Variants in TEK observed in about 807,000 individuals in gnomAD.
TEK encodes the protein TEK receptor tyrosine kinase.
A neutral mutation model predicts 131.8 loss-of-function variants in TEK; 43 were observed. The ratio of observed to expected loss-of-function variants is 0.33; its 90% CI spans 0.26 to 0.42. TEK has a LOEUF of 0.42. TEK is among the 10% of genes least tolerant of loss of function. The pLI is 1.00. For synonymous variants in TEK, 580 were observed against 491.6 expected, an observed-to-expected ratio of 1.18 and a Z score of -2.38; for missense variants, 1,162 against 1,384.4, an observed-to-expected ratio of 0.84 and a Z score of 2.55.
At chr9:27,137,099 G>A (rs190625836) in intron 1 of TEK, among the ~76,000 whole-genome samples, 2 of 152,126 alleles carry the variant, frequency 1.3e-5, no homozygotes, top group East Asian at 1.9e-4. Context: ...TGTATTTTCA[G>A]TAGAGACGGG....
At chr9:27,120,814 G>C (rs1030892231) in intron 1 of TEK, among the ~76,000 whole-genome samples, 1 of 152,212 alleles carries the variant, frequency 6.6e-6, no homozygotes, top group Non-Finnish European at 1.5e-5. Flanking sequence ...GAGCAGCCAG[G>C]GCAAAAGCTG....
intron 11 of TEK, chr9:27,195,533 C>G (rs1824974435): frequency 2.4e-6 from 1 of 408,568 alleles, no homozygotes; most frequent in South Asian, 1.8e-5. Context: ...TTTTTTTGCC[C>G]CATAGGAGTG....
intron 8 of TEK, 135 bp downstream of exon 8, chr9:27,183,745 C>A: frequency 8.1e-7 from 1 of 1,232,676 alleles, no homozygotes. Context: ...ATAAAATGCC[C>A]TATTCCTGGA....
intron 9 of TEK, among the ~76,000 whole-genome samples, chr9:27,187,994 A>T (rs1819136538): frequency 1.3e-5 from 2 of 152,180 alleles, no homozygotes; most frequent in African/African-American, 4.8e-5. Context: ...TTTGGGGGGA[A>T]TACAATTTAG....
intron 11 of TEK, among the ~76,000 whole-genome samples, chr9:27,193,891 C>G (rs1824916048): frequency 6.6e-6 from 1 of 152,180 alleles, no homozygotes; most frequent in African/African-American, 2.4e-5. Context: ...ATTACAGCCT[C>G]TATCTCCTGG....
chr9:27,228,570 T>C (rs1281773660), intron 22 of TEK, among the ~76,000 whole-genome samples: 1 of 152,126 alleles, frequency 6.6e-6, no homozygotes, highest in Admixed American at 6.6e-5. Context: ...ATTTTCGTCA[T>C]ATAGCCTGAC....
chr9:27,164,538 G>C lies in TEK; in HGVS notation c.365-3957G>C, dbSNP rs754777085. Among the ~76,000 whole-genome samples the C allele has an allele frequency of 2.4e-4, 36 of 152,140 alleles. No individual in the cohort carries two copies. The South Asian group carries it at 2.5e-3, about 11-fold the overall frequency. On this transcript the variant is annotated intron_variant, in intron 2 of 22. Transcript: ENST00000380036. ...GTTTCAATGTGTTAGCCAGGATGATGTCGATCTCCTGACCTTGTGATCTGC... is the reference window on the plus strand; with the variant it reads ...GTTTCAATGTGTTAGCCAGGATGATCTCGATCTCCTGACCTTGTGATCTGC...
chr9:27,144,219 T>A (rs1021015078), intron 1 of TEK, among the ~76,000 whole-genome samples: 4 of 152,062 alleles, frequency 2.6e-5, no homozygotes, highest in African/African-American at 4.8e-5. Context: ...GAGGCAGAGC[T>A]TGCAGTGAGC....
At chr9:27,155,732 C>T (rs557423647) in intron 1 of TEK, among the ~76,000 whole-genome samples, 15 of 152,026 alleles carry the variant, frequency 9.9e-5, no homozygotes, top group Admixed American at 9.2e-4. Flanking sequence ...ATGTTTTTTT[C>T]CCCAAAACAT....
chr9:27,201,814 C>G (rs1489359227), intron 12 of TEK, among the ~76,000 whole-genome samples: 2 of 152,188 alleles, frequency 1.3e-5, no homozygotes, highest in Admixed American at 6.5e-5. Context: ...CCTATGTCTA[C>G]TATTCGCCTA....
chr9:27,178,386 G>C (rs1047916849), intron 6 of TEK, among the ~76,000 whole-genome samples: 2 of 151,992 alleles, frequency 1.3e-5, no homozygotes, highest in East Asian at 3.9e-4. Context: ...TTTGAAATCA[G>C]GTAATGTGAT....
intron 6 of TEK, among the ~76,000 whole-genome samples, chr9:27,175,759 T>C (rs968495653): frequency 4.6e-5 from 7 of 152,252 alleles, no homozygotes; most frequent in African/African-American, 1.7e-4. Flanking sequence ...CATTTTTTCA[T>C]GTGTCTTTTG....
At chr9:27,182,110 C>T (rs1824400744) in intron 7 of TEK, among the ~76,000 whole-genome samples, 1 of 152,148 alleles carries the variant, frequency 6.6e-6, no homozygotes, top group Admixed American at 6.6e-5. Context: ...TGAACGTGGG[C>T]AGCTAACAAG....
chr9:27,164,471 T>C (rs548607226), intron 2 of TEK, among the ~76,000 whole-genome samples: 15 of 152,010 alleles, frequency 9.9e-5, no homozygotes, highest in East Asian at 5.8e-4. Context: ...AGGCGCCCGC[T>C]ACCACGCCCG....
Position 27,229,372 on chromosome 9 carries a change from T to A in TEK, c.*140T>A. 1.3e-6 allele frequency: 1 copy of A among 791,916 alleles called. No individual in the cohort carries two copies. Among genetic ancestry groups the A allele is most frequent in the Non-Finnish European group, 2.2e-6 (1 of 449,890 alleles). 49.1% of individuals were successfully genotyped at this position (791,916 alleles called of 1,614,324 possible). On this transcript the variant is annotated 3_prime_UTR_variant, in exon 23 of 23. Coordinates refer to ENST00000380036, the MANE Select transcript of TEK (RefSeq NM_000459.5). ...TGTACACCTGGGACCTTCACCACTGTAGATCCCATGCATGGATCTATGTAG... is the reference window on the plus strand; with the variant it reads ...TGTACACCTGGGACCTTCACCACTGAAGATCCCATGCATGGATCTATGTAG...
chr9:27,155,746 G>C (rs1190095939), intron 1 of TEK, among the ~76,000 whole-genome samples: 1 of 151,556 alleles, frequency 6.6e-6, no homozygotes, highest in Non-Finnish European at 1.5e-5. Flanking sequence ...AAAACATTGG[G>C]AATAATGTTT....
chr9:27,218,707 C>A, intron 19 of TEK, 70 bp from the exon 20 acceptor site: 6 of 1,572,914 alleles, frequency 3.8e-6, no homozygotes, highest in Non-Finnish European at 5.2e-6. Context: ...GTCTCCCTGG[C>A]TTTTGGGGCC....
chr9:27,167,806 C>G (rs1823787522), intron 2 of TEK, among the ~76,000 whole-genome samples: 1 of 151,816 alleles, frequency 6.6e-6, no homozygotes, highest in South Asian at 2.1e-4. Context: ...AGGGGAAAAG[C>G]CATTTGGTAA....
At position 27,193,714 on chromosome 9, in the gene TEK, A is replaced by G. The variant is rs532266593; in HGVS notation, c.1624+1091A>G. On this transcript the variant is annotated intron_variant, in intron 11 of 22. Transcript: ENST00000380036. ...ATTTATATCACCTAGGAAAGTAAGA[A>G]TTATCATCTTCCCTATTTTACAGAT... 1.2e-3 allele frequency among the ~76,000 whole-genome samples: 179 copies of G among 152,322 alleles called. 1 individual carries two copies. Among genetic ancestry groups the G allele is most frequent in the African/African-American group, 4.2e-3 (175 of 41,558 alleles).
Sources: allele counts gnomAD v4.1 joint callset (sites outside exome capture counted in the v4.1 genomes callset), GRCh38; gene constraint gnomAD v4.1.1; transcripts MANE v1.5; gene names NCBI Gene and HGNC (gene_info 2026-07-23, HGNC 2026-07-21).